The following RANBP2 variants were observed in gnomAD, a reference collection of about 807,000 sequenced individuals.
RANBP2 encodes the protein E3 SUMO-protein ligase RanBP2.
In RANBP2, 57 loss-of-function variants were observed where a neutral mutation model predicts 303.6. The observed-to-expected ratio is 0.19, with a 90% CI of 0.15 to 0.23. The LOEUF is 0.23. Ranked by LOEUF, RANBP2 falls within the 10% of genes least tolerant of loss-of-function variation. The probability of loss-of-function intolerance (pLI) is 1.00; values close to 1 mark genes in which losing one functional copy is unlikely to be tolerated. For missense variants in RANBP2, 3,138 were observed against 3,780.8 expected, an observed-to-expected ratio of 0.83 and a Z score of 4.46; for synonymous variants, 1,167 against 1,301.5, an observed-to-expected ratio of 0.90 and a Z score of 2.23.
At chr2:109,192,128 A>G in the RANBP2 span, among the ~76,000 whole-genome samples, 1 of 152,142 alleles carries the variant, frequency 6.6e-6, no homozygotes. Context: ...AGAGTTCTTC[A>G]CGGTACCCAA....
rs370776914 is a variant in RANBP2 at position 108,767,928 on chromosome 2, A to G, written c.7389A>G (p.Pro2463=). 30 of 1,611,834 alleles carry G rather than the reference A, an allele frequency of 1.9e-5. No individual in the cohort carries two copies. In the African/African-American group the frequency reaches 3.2e-4, roughly 17 times the overall value. Residue 2463 remains proline, a synonymous_variant, in exon 20 of 29, where the codon CCA becomes CCG. Coordinates refer to ENST00000283195, the MANE Select transcript of RANBP2 (RefSeq NM_006267.5). ...VSRSSTPRES[P]CGKIAVAVLE... ...GGTCAAGCACTCCCAGAGAGTCACCATGTGGCAAAATTGCTGTAGCTGTAT... is the reference window on the plus strand; with the variant it reads ...GGTCAAGCACTCCCAGAGAGTCACCGTGTGGCAAAATTGCTGTAGCTGTAT...
chr2:109,259,121 G>A, the RANBP2 span, among the ~76,000 whole-genome samples: 1 of 152,254 alleles, frequency 6.6e-6, no homozygotes, highest in Non-Finnish European at 1.5e-5. Flanking sequence ...CAGATCACAT[G>A]TAATAGCTGC....
At chr2:109,375,366 C>A in the RANBP2 span, among the ~76,000 whole-genome samples, 7 of 152,246 alleles carry the variant, frequency 4.6e-5, no homozygotes, top group Non-Finnish European at 7.3e-5. Flanking sequence ...TCCCTGACAC[C>A]TGTTCATCAG....
At chr2:108,722,967 TC>T (rs1463068587) in intron 1 of RANBP2, among the ~76,000 whole-genome samples, 1 of 152,246 alleles carries the variant, frequency 6.6e-6, no homozygotes, top group Non-Finnish European at 1.5e-5. Flanking sequence ...GTTTAGTTTT[TC>T]TATGTTCTGT....
At chr2:109,581,577 T>C in the RANBP2 span, among the ~76,000 whole-genome samples, 1 of 150,954 alleles carries the variant, frequency 6.6e-6, no homozygotes, top group Admixed American at 6.6e-5. Context: ...GGGGAAGAAA[T>C]GGGACTGAAC....
the RANBP2 span, among the ~76,000 whole-genome samples, chr2:109,646,258 C>T: frequency 2.6e-5 from 4 of 152,066 alleles, no homozygotes; most frequent in Non-Finnish European, 4.4e-5. Flanking sequence ...GTGTGTGAGA[C>T]GCTCACATCG....
the RANBP2 span, among the ~76,000 whole-genome samples, chr2:109,137,530 AT>A: frequency 6.6e-6 from 1 of 152,230 alleles, no homozygotes; most frequent in South Asian, 2.1e-4. Flanking sequence ...TTTTCTGAAG[AT>A]TCTTTTAATT....
At chr2:109,058,913 A>T in the RANBP2 span, among the ~76,000 whole-genome samples, 1 of 152,290 alleles carries the variant, frequency 6.6e-6, no homozygotes, top group East Asian at 1.9e-4. Context: ...TGCTGATAGC[A>T]CAGTTCACAT....
At chr2:109,154,974 TG>T in the RANBP2 span, among the ~76,000 whole-genome samples, 1 of 152,186 alleles carries the variant, frequency 6.6e-6, no homozygotes, top group Non-Finnish European at 1.5e-5. Flanking sequence ...CAGGACATGT[TG>T]GATTGATAGC....
chr2:109,598,154 C>T, the RANBP2 span, among the ~76,000 whole-genome samples: 139 of 152,164 alleles, frequency 9.1e-4, no homozygotes, highest in African/African-American at 3.3e-3. Context: ...CCTCTGCCTT[C>T]TGGGTTCAAG....
At chr2:109,307,502 C>G in the RANBP2 span, among the ~76,000 whole-genome samples, 311 of 149,090 alleles carry the variant, frequency 2.1e-3, 2 homozygotes, top group African/African-American at 7.7e-3. Flanking sequence ...ATACATGTGC[C>G]ATGCTGGTGT....
chr2:109,149,693 A>G, the RANBP2 span, among the ~76,000 whole-genome samples: 1 of 152,300 alleles, frequency 6.6e-6, no homozygotes, highest in African/African-American at 2.4e-5. Flanking sequence ...AGAGAGCAAG[A>G]TAGTCTGGCC....
the RANBP2 span, among the ~76,000 whole-genome samples, chr2:109,143,417 A>G: frequency 6.6e-6 from 1 of 152,084 alleles, no homozygotes; most frequent in African/African-American, 2.4e-5. Context: ...TCTGAAAGCA[A>G]CCCAGATGTC....
the RANBP2 span, among the ~76,000 whole-genome samples, chr2:109,211,668 G>A: frequency 0.035 from 5,111 of 146,830 alleles, 268 homozygotes; most frequent in African/African-American, 0.12. Flanking sequence ...TTTTTGAGAT[G>A]GAGTCTCGCT....
chr2:109,648,042 A>T, the RANBP2 span, among the ~76,000 whole-genome samples: 4,452 of 152,278 alleles, frequency 0.029, 211 homozygotes, highest in African/African-American at 0.1. Flanking sequence ...GTAATCACAC[A>T]TTAGGAGGGG....
the RANBP2 span, among the ~76,000 whole-genome samples, chr2:109,690,692 C>T: frequency 2.6e-5 from 4 of 151,518 alleles, no homozygotes; most frequent in Admixed American, 6.6e-5. Flanking sequence ...CGAGCCAGGC[C>T]GGCCTTCCAG....
At chr2:109,482,494 A>G in the RANBP2 span, among the ~76,000 whole-genome samples, 1 of 152,092 alleles carries the variant, frequency 6.6e-6, no homozygotes, top group Non-Finnish European at 1.5e-5. Flanking sequence ...TTCCTCAGGG[A>G]GTCAGTCTCT....
At chr2:108,812,648 AG>A in the RANBP2 span, 3 of 1,612,670 alleles carry the variant, frequency 1.9e-6, no homozygotes, top group Non-Finnish European at 2.5e-6. Context: ...AAGCAAGTGA[AG>A]AAAACAGGAA....
the RANBP2 span, among the ~76,000 whole-genome samples, chr2:109,154,213 C>T: frequency 6.6e-6 from 1 of 152,216 alleles, no homozygotes; most frequent in African/African-American, 2.4e-5. Flanking sequence ...GCCTAGCATC[C>T]ATGTGGTGCT....
Sources: gnomAD v4.1 joint callset for allele counts (sites outside exome capture counted in the v4.1 genomes callset) on GRCh38, gnomAD v4.1.1 for gene constraint, MANE v1.5 for transcripts, NCBI Gene and HGNC (gene_info 2026-07-23, HGNC 2026-07-21) for gene names.